The following CYREN variants were observed in gnomAD, a reference collection of about 807,000 sequenced individuals.
CYREN encodes cell cycle regulator of non-homologous end joining.
A neutral mutation model predicts 9.7 loss-of-function variants in CYREN; 7 were observed. The ratio of observed to expected loss-of-function variants is 0.72; its 90% CI spans 0.41 to 1.36. The LOEUF (loss-of-function observed/expected upper bound fraction) is 1.36, where lower values mean the gene tolerates loss of function less well. Among genes scored for constraint, CYREN ranks in the 40% most tolerant of loss-of-function variants. The probability of loss-of-function intolerance (pLI) is 0.01; values close to 1 mark genes in which losing one functional copy is unlikely to be tolerated. For synonymous variants in CYREN, 76 were observed against 77.9 expected (o/e 0.98, Z 0.13); for missense variants, 215 against 198.1 (o/e 1.09, Z -0.51).
intron 1 of CYREN, chr7:135,169,490 G>GA (rs1830491264): frequency 6.6e-6 from 1 of 152,198 alleles, no homozygotes. Flanking sequence ...TCAGTTAAAT[G>GA]AAACTGAGGG....
chr7:135,160,822 G>A (rs575990285), downstream of CYREN, among the ~76,000 whole-genome samples: 1 of 152,284 alleles, frequency 6.6e-6, no homozygotes, highest in South Asian at 2.1e-4. Context: ...ACACTAGAGT[G>A]GAGAATAAAT....
intron 1 of CYREN, 70 bp from the exon 2 acceptor site, chr7:135,169,130 A>G (rs1337397356): frequency 1.7e-5 from 9 of 530,552 alleles, no homozygotes; most frequent in Non-Finnish European, 3.0e-5. Flanking sequence ...TGGTCGGTGC[A>G]GGGCAGGCCA....
At chr7:135,120,754 C>T (rs1385291078) in intron 2 of CYREN, among the ~76,000 whole-genome samples, 1 of 152,144 alleles carries the variant, frequency 6.6e-6, no homozygotes, top group Non-Finnish European at 1.5e-5. Context: ...GAAGAAGATA[C>T]ATCATGCAAA....
exon 3 of CYREN, chr7:135,093,560 C>T (rs1822186646): frequency 6.6e-6 from 1 of 151,978 alleles, no homozygotes; most frequent in Admixed American, 6.6e-5. Context: ...AAAAGAAGTA[C>T]AAGACTTATA....
intron 2 of CYREN, among the ~76,000 whole-genome samples, chr7:135,118,088 C>A (rs2117214115): frequency 6.6e-6 from 1 of 152,300 alleles, no homozygotes; most frequent in African/African-American, 2.4e-5. Context: ...TGAAGCCTGG[C>A]TGAATTCCCT....
chr7:135,120,574 G>A lies in CYREN; in HGVS notation n.357-25992C>T, dbSNP rs575033643. Among the ~76,000 whole-genome samples the A allele has an allele frequency of 1.3e-4, 20 of 152,202 alleles. No homozygotes were observed. The East Asian group carries it at 3.5e-3, about 26-fold the overall frequency. On this transcript the variant is annotated intron_variant and non_coding_transcript_variant, in intron 2 of 2. Transcript: ENST00000459937. Reference sequence around the variant, plus strand: ...AACAAAAGATAAACTTTTTTTAAATGGCAGATTTAAGTCCTAAGACATCAA... The same window carrying A: ...AACAAAAGATAAACTTTTTTTAAATAGCAGATTTAAGTCCTAAGACATCAA...
intron 2 of CYREN, among the ~76,000 whole-genome samples, chr7:135,133,367 A>G (rs1829062094): frequency 6.6e-6 from 1 of 152,240 alleles, no homozygotes; most frequent in African/African-American, 2.4e-5. Context: ...AGCTTAATAT[A>G]CAAGTTTAAC....
chr7:135,143,125 T>G (rs1829483237), intron 2 of CYREN, among the ~76,000 whole-genome samples: 1 of 152,142 alleles, frequency 6.6e-6, no homozygotes, highest in South Asian at 2.1e-4. Context: ...GGTGGGATGT[T>G]CACTTGAAGC....
intron 2 of CYREN, among the ~76,000 whole-genome samples, chr7:135,150,607 A>C (rs1390651764): frequency 6.6e-6 from 1 of 152,186 alleles, no homozygotes; most frequent in Admixed American, 6.5e-5. Flanking sequence ...CGGGAAAACT[A>C]ACCATTGACA....
chr7:135,128,024 T>C (rs763157180), intron 2 of CYREN, among the ~76,000 whole-genome samples: 3 of 152,090 alleles, frequency 2.0e-5, no homozygotes, highest in Non-Finnish European at 4.4e-5. Context: ...CCAGGCACGG[T>C]GGCTCACGCC....
chr7:135,157,591 A>C (rs146555433), intron 2 of CYREN, among the ~76,000 whole-genome samples: 5 of 152,286 alleles, frequency 3.3e-5, no homozygotes, highest in African/African-American at 9.6e-5. Context: ...TGGTGAGCCC[A>C]GTGTGTGGGC....
chr7:135,141,517 G>C (rs553695700), intron 2 of CYREN, among the ~76,000 whole-genome samples: 1 of 152,046 alleles, frequency 6.6e-6, no homozygotes, highest in Admixed American at 6.6e-5. Context: ...TGGTTTTGTT[G>C]ATCTTTCGTA....
intron 2 of CYREN, chr7:135,134,705 A>G (rs1379780522): frequency 7.5e-6 from 6 of 801,500 alleles, no homozygotes; most frequent in Non-Finnish European, 9.5e-6. Context: ...CTTCTAAATG[A>G]TGGTAAAATT....
In CYREN at chr7:135,129,720, G is replaced by T. The variant is rs1002994718; in HGVS notation, n.357-35138C>A. On this transcript the variant is annotated intron_variant and non_coding_transcript_variant, in intron 2 of 2. Coordinates refer to the CYREN transcript ENST00000459937. The stretch of plus-strand genomic sequence containing the variant: ...AACTACTGCTCAAGATATGGAAGTG[G>T]ATTGGTTTTCCCTAATCTTTTGTCA... The T allele has an allele frequency of 6.7e-6, 5 of 743,508 alleles. No homozygotes were observed. In the African/African-American group the frequency reaches 8.6e-5, roughly 13 times the overall value. 46.1% of individuals were successfully genotyped at this position (743,508 alleles called of 1,614,324 possible).
intron 1 of CYREN, 189 bp from the exon 2 acceptor site, chr7:135,169,249 T>C (rs1830469400): frequency 5.2e-6 from 1 of 193,298 alleles, no homozygotes; most frequent in Non-Finnish European, 1.1e-5. Flanking sequence ...TCCCCAAAGC[T>C]GGTGCCCCCT....
At chr7:135,128,291 C>CAAAAAAAAAAAAAAAAAAA (rs61217008) in intron 2 of CYREN, among the ~76,000 whole-genome samples, 2 of 58,072 alleles carry the variant, frequency 3.4e-5, no homozygotes, top group African/African-American at 1.6e-4. Flanking sequence ...GACTCCATCT[C>CAAAAAAAAAAAAAAAAAAA]AAAAAAAAAA....
chr7:135,141,149 T>C (rs1829445851), intron 2 of CYREN, among the ~76,000 whole-genome samples: 1 of 152,140 alleles, frequency 6.6e-6, no homozygotes. Context: ...TTTTTCTTTG[T>C]ATGTCTGGTA....
intron 1 of CYREN, 109 bp from the exon 2 acceptor site, chr7:135,169,169 C>A: frequency 2.7e-6 from 1 of 368,410 alleles, no homozygotes; most frequent in Non-Finnish European, 4.9e-6. Context: ...GAGACTCAGA[C>A]GGCCATTCAC....
In CYREN at chr7:135,166,823, C is replaced by T; in HGVS notation, c.262G>A (p.Asp88Asn). The T allele has an allele frequency of 1.9e-6, 3 of 1,614,134 alleles. No individual in the cohort carries two copies. Among genetic ancestry groups the T allele is most frequent in the African/African-American group, 1.3e-5 (1 of 75,062 alleles). ...ACEQPALAGA[D>N]NPEHSPPCSV... ...CAGGGAGGGGAGTGCTCTGGGTTAT[C>T]AGCCCCCGCCAGGGCCGGCTGCTCG... Residue 88 changes from aspartate to asparagine, a missense_variant, in exon 4 of 4, where the codon GAT (aspartate) becomes AAT (asparagine). Physicochemically the swap from Asp to Asn is conservative, Grantham distance 23. Transcript: ENST00000393114.
Sources: gnomAD v4.1 joint callset for allele counts (sites outside exome capture counted in the v4.1 genomes callset) on GRCh38, gnomAD v4.1.1 for gene constraint, MANE v1.5 for transcripts, NCBI Gene and HGNC (gene_info 2026-07-23, HGNC 2026-07-21) for gene names.